Variants in CLSTN2 observed in about 807,000 individuals in gnomAD.
CLSTN2 encodes calsyntenin-2.
A neutral mutation model predicts 101.2 loss-of-function variants in CLSTN2; 48 were observed. The ratio of observed to expected loss-of-function variants is 0.47; its 90% confidence interval spans 0.38 to 0.60. CLSTN2 has a LOEUF of 0.60. Ranked by LOEUF, CLSTN2 falls within the 20% of genes least tolerant of loss-of-function variation. The pLI, the probability that CLSTN2 is intolerant of heterozygous loss-of-function variation, is 0.00. For missense variants in CLSTN2, 1,160 were observed against 1,238.2 expected (o/e 0.94, Z 0.95); for synonymous variants, 481 against 463.6 (o/e 1.04, Z -0.48).
At chr3:140,299,495 T>G (rs1419079929) in intron 2 of CLSTN2, among the ~76,000 whole-genome samples, 1 of 152,218 alleles carries the variant, frequency 6.6e-6, no homozygotes, top group Non-Finnish European at 1.5e-5. Context: ...ACTGTAACGT[T>G]TCATTCGTGT....
At chr3:140,442,748 G>A (rs1485324798) in intron 5 of CLSTN2, among the ~76,000 whole-genome samples, 3 of 152,138 alleles carry the variant, frequency 2.0e-5, no homozygotes, top group Non-Finnish European at 2.9e-5. Flanking sequence ...TCACACCCTC[G>A]CTAAACATCC....
chr3:139,938,230 A>G (rs1935064399), intron 1 of CLSTN2, among the ~76,000 whole-genome samples: 1 of 152,200 alleles, frequency 6.6e-6, no homozygotes, highest in Admixed American at 6.5e-5. Flanking sequence ...TCATGTGTAG[A>G]AAAACACTGG....
intron 2 of CLSTN2, among the ~76,000 whole-genome samples, chr3:140,273,786 G>A (rs1252018543): frequency 6.6e-6 from 1 of 152,150 alleles, no homozygotes; most frequent in South Asian, 2.1e-4. Context: ...CCTTCAAAAA[G>A]TTGAATCCTA....
intron 2 of CLSTN2, among the ~76,000 whole-genome samples, chr3:140,337,598 G>C (rs1458157373): frequency 6.6e-6 from 1 of 152,214 alleles, no homozygotes; most frequent in Non-Finnish European, 1.5e-5. Flanking sequence ...TGACAGTTAA[G>C]ATGCTGCCTT....
intron 8 of CLSTN2, among the ~76,000 whole-genome samples, chr3:140,523,762 G>T (rs1412685905): frequency 6.6e-6 from 1 of 152,156 alleles, no homozygotes; most frequent in Non-Finnish European, 1.5e-5. Flanking sequence ...GACTTGGCCT[G>T]TACCAATCCC....
intron 8 of CLSTN2, among the ~76,000 whole-genome samples, chr3:140,501,558 C>T (rs1934577063): frequency 1.3e-5 from 2 of 152,100 alleles, no homozygotes; most frequent in Admixed American, 6.5e-5. Context: ...TTTTTTCTAG[C>T]AAAATTTATA....
At chr3:140,229,732 G>A (rs2086354261) in intron 2 of CLSTN2, among the ~76,000 whole-genome samples, 1 of 151,874 alleles carries the variant, frequency 6.6e-6, no homozygotes, top group Non-Finnish European at 1.5e-5. Flanking sequence ...ATTCCTCTGG[G>A]GCTGCATCAG....
intron 1 of CLSTN2, among the ~76,000 whole-genome samples, chr3:139,982,771 A>G (rs1935952548): frequency 1.3e-5 from 2 of 152,180 alleles, no homozygotes; most frequent in South Asian, 4.1e-4. Flanking sequence ...ATAGAGAAAA[A>G]TCATTATAGA....
chr3:140,369,771 C>T (rs952536234), intron 2 of CLSTN2, among the ~76,000 whole-genome samples: 10 of 152,170 alleles, frequency 6.6e-5, no homozygotes, highest in African/African-American at 2.2e-4. Context: ...CCTTGTATTA[C>T]TCACCAGGAA....
At chr3:140,082,188 T>A (rs1352667467) in intron 1 of CLSTN2, among the ~76,000 whole-genome samples, 1 of 152,180 alleles carries the variant, frequency 6.6e-6, no homozygotes, top group African/African-American at 2.4e-5. Flanking sequence ...TTTTGAGCAA[T>A]GTAATCCTTT....
rs142474695 is a variant in CLSTN2 at position 140,572,460 on chromosome 3, G to A, written c.*6207G>A. 6.6e-6 allele frequency: 1 copy of A among 152,412 alleles called. No homozygotes were observed. Among genetic ancestry groups the A allele is most frequent in the African/African-American group, 2.4e-5 (1 of 41,582 alleles). 9.4% of individuals were successfully genotyped at this position (152,412 alleles called of 1,614,324 possible). A position where few individuals can be genotyped will look rare whatever the true frequency, so the allele number is the denominator to read the frequency against. On this transcript the variant is annotated 3_prime_UTR_variant, in exon 17 of 17. Transcript: ENST00000458420. ...CTGGAAATTTAGGAAGGGTGATGCA[G>A]GTAGAGGGGCCAGCAGGAGCCAAGT...
chr3:140,378,735 C>T (rs574033852), intron 2 of CLSTN2, among the ~76,000 whole-genome samples: 6 of 152,148 alleles, frequency 3.9e-5, no homozygotes, highest in Admixed American at 1.3e-4. Context: ...GGGTGACTTA[C>T]GGGCTGTGTG....
At chr3:140,026,188 T>C (rs1245468668) in intron 1 of CLSTN2, among the ~76,000 whole-genome samples, 1 of 152,154 alleles carries the variant, frequency 6.6e-6, no homozygotes, top group Non-Finnish European at 1.5e-5. Flanking sequence ...ATGGAAAACA[T>C]TGGAGTTGGG....
At chr3:140,424,410 A>G (rs1325027300) in intron 5 of CLSTN2, among the ~76,000 whole-genome samples, 1 of 152,062 alleles carries the variant, frequency 6.6e-6, no homozygotes. Flanking sequence ...CTCCCAGCCT[A>G]CTGATTCACT....
intron 1 of CLSTN2, among the ~76,000 whole-genome samples, chr3:139,953,507 G>A (rs1935328462): frequency 6.6e-6 from 1 of 152,130 alleles, no homozygotes; most frequent in South Asian, 2.1e-4. Flanking sequence ...CTGACTTCCA[G>A]CAGCACCTGT....
chr3:140,200,735 A>G (rs372760098), intron 2 of CLSTN2, among the ~76,000 whole-genome samples: 2 of 152,306 alleles, frequency 1.3e-5, no homozygotes, highest in Non-Finnish European at 2.9e-5. Flanking sequence ...AACATTTCTC[A>G]ATGATCGAAT....
At chr3:140,551,766 ATGT>A (rs1476967347) in intron 10 of CLSTN2, among the ~76,000 whole-genome samples, 1 of 150,616 alleles carries the variant, frequency 6.6e-6, no homozygotes, top group Non-Finnish European at 1.5e-5. Flanking sequence ...CCTTGTAGTG[ATGT>A]TGTAAGAATT....
At chr3:140,198,582 GT>G (rs2010678201) in intron 2 of CLSTN2, among the ~76,000 whole-genome samples, 1 of 152,140 alleles carries the variant, frequency 6.6e-6, no homozygotes, top group South Asian at 2.1e-4. Context: ...CTCCTAAAAG[GT>G]TTTGGAAAGA....
In CLSTN2 at chr3:140,411,627, T is replaced by C. The variant is rs79324027; in HGVS notation, c.637+6861T>C. ...ACAGCAGCAGAATATACAGTACACA[T>C]GGAACATTCTCCAGGAAGATCACAT... On this transcript the variant is annotated intron_variant, in intron 4 of 16. Transcript: ENST00000458420. 1.2e-3 allele frequency among the ~76,000 whole-genome samples: 178 copies of C among 152,352 alleles called. 2 individuals are homozygous for C. In the East Asian group the frequency reaches 0.032, roughly 27 times the overall value.
Sources: allele counts gnomAD v4.1 joint callset (sites outside exome capture counted in the v4.1 genomes callset), GRCh38; gene constraint gnomAD v4.1.1; transcripts MANE v1.5; gene names NCBI Gene and HGNC (gene_info 2026-07-23, HGNC 2026-07-21).